Variants in PPP2R2C observed in about 807,000 individuals in gnomAD.
The protein encoded by PPP2R2C is protein phosphatase 2, regulatory subunit B, gamma.
PPP2R2C carries 10 observed loss-of-function variants against 45.3 expected under a neutral mutation model. The observed-to-expected ratio is 0.22, with a 90% CI of 0.14 to 0.37. The LOEUF (loss-of-function observed/expected upper bound fraction) is 0.37. Among genes scored for constraint, PPP2R2C ranks in the 10% least tolerant of loss-of-function variants. PPP2R2C has a pLI of 1.00. For missense variants in PPP2R2C, 308 were observed against 619.7 expected, an observed-to-expected ratio of 0.50 and a Z score of 5.34; for synonymous variants, 257 against 245.4, an observed-to-expected ratio of 1.05 and a Z score of -0.44.
At chr4:6,509,097 T>C (rs959881211) in intron 2 of PPP2R2C, among the ~76,000 whole-genome samples, 3 of 152,224 alleles carry the variant, frequency 2.0e-5, no homozygotes, top group Admixed American at 1.3e-4. Context: ...TTGCCACTGC[T>C]AACAGTATTT....
At chr4:6,386,121 AAAC>A (rs929353150) in intron 1 of PPP2R2C, among the ~76,000 whole-genome samples, 48 of 152,198 alleles carry the variant, frequency 3.2e-4, no homozygotes, top group African/African-American at 9.4e-4. Context: ...ACCCTTGAAA[AAAC>A]AACAACAAAA....
At chr4:6,551,934 T>C (rs73796255) in intron 1 of PPP2R2C, among the ~76,000 whole-genome samples, 2,771 of 152,302 alleles carry the variant, frequency 0.018, 87 homozygotes, top group African/African-American at 0.063. Flanking sequence ...TGGCACATCA[T>C]GGGATCATTT....
chr4:6,358,671 A>T (rs1383857977), intron 5 of PPP2R2C, among the ~76,000 whole-genome samples: 1 of 152,264 alleles, frequency 6.6e-6, no homozygotes, highest in Admixed American at 6.5e-5. Context: ...CAACACCATC[A>T]AAAAGTGGGC....
intron 3 of PPP2R2C, among the ~76,000 whole-genome samples, chr4:6,376,816 T>G (rs1577124443): frequency 6.6e-6 from 1 of 152,212 alleles, no homozygotes; most frequent in African/African-American, 2.4e-5. Context: ...GAGGCTCCTG[T>G]CCCCCAGGGC....
chr4:6,538,146 C>CA (rs981478977), intron 1 of PPP2R2C, among the ~76,000 whole-genome samples: 1 of 151,160 alleles, frequency 6.6e-6, no homozygotes, highest in Non-Finnish European at 1.5e-5. Flanking sequence ...AAAAACAATC[C>CA]AAAAAAAAAG....
intron 1 of PPP2R2C, among the ~76,000 whole-genome samples, chr4:6,441,380 G>A (rs577386177): frequency 6.6e-6 from 1 of 151,966 alleles, no homozygotes; most frequent in Non-Finnish European, 1.5e-5. Flanking sequence ...TCCAGCTGCA[G>A]GGGAGGAGCC....
chr4:6,510,142 G>T (rs1170521192), intron 2 of PPP2R2C, among the ~76,000 whole-genome samples: 4 of 152,030 alleles, frequency 2.6e-5, no homozygotes, highest in Non-Finnish European at 5.9e-5. Flanking sequence ...ACCTACACAG[G>T]ATCATGCCAC....
At position 6,504,325 on chromosome 4, in the gene PPP2R2C, T is replaced by C. The variant is rs374190419; in HGVS notation, c.49+30946A>G. Among the ~76,000 whole-genome samples the C allele has an allele frequency of 2.6e-4, 40 of 152,264 alleles. 1 individual carries two copies. The highest frequency in any genetic ancestry group is 9.1e-4 in the African/African-American group (38 of 41,546). ...TTTTACAGTCTGAGTACAGCCAACTTAACTGCCTATAACAAAAAAACAATA... is the reference window on the plus strand; with the variant it reads ...TTTTACAGTCTGAGTACAGCCAACTCAACTGCCTATAACAAAAAAACAATA... On this transcript the variant is annotated intron_variant, in intron 2 of 9. Transcript: ENST00000506140.
chr4:6,413,584 A>G (rs976193704), intron 1 of PPP2R2C, among the ~76,000 whole-genome samples: 1 of 152,216 alleles, frequency 6.6e-6, no homozygotes, highest in African/African-American at 2.4e-5. Context: ...GTCCTGGTGC[A>G]GTTATCAGAG....
At chr4:6,506,156 T>C (rs1433345045) in intron 2 of PPP2R2C, among the ~76,000 whole-genome samples, 2 of 152,060 alleles carry the variant, frequency 1.3e-5, no homozygotes, top group African/African-American at 4.8e-5. Flanking sequence ...CAGAAATAAT[T>C]GGCTCTTCAG....
chr4:6,365,386 T>A (rs1208950693), intron 5 of PPP2R2C, among the ~76,000 whole-genome samples: 1 of 152,242 alleles, frequency 6.6e-6, no homozygotes, highest in Admixed American at 6.5e-5. Context: ...AGAGGTGGCC[T>A]GTAAGGTACC....
intron 2 of PPP2R2C, among the ~76,000 whole-genome samples, chr4:6,512,179 ATGGTGGTGG>A (rs797013360): frequency 4.5e-5 from 1 of 22,450 alleles, no homozygotes; most frequent in Non-Finnish European, 7.8e-5. Flanking sequence ...GATGGTGCTG[ATGGTGGTGG>A]TGGTGGTGGT....
At chr4:6,409,490 C>T (rs553185122) in intron 1 of PPP2R2C, among the ~76,000 whole-genome samples, 1 of 152,148 alleles carries the variant, frequency 6.6e-6, no homozygotes, top group Non-Finnish European at 1.5e-5. Flanking sequence ...ACAGCTCAGC[C>T]CACCTTCTGG....
chr4:6,562,477 G>T lies in PPP2R2C; in HGVS notation c.-59+1083C>A, dbSNP rs1250299073. Among the ~76,000 whole-genome samples the T allele has an allele frequency of 2.0e-5, 3 of 151,844 alleles. No homozygotes were observed. In the East Asian group the frequency reaches 5.8e-4, roughly 29 times the overall value. ...GAGGATTCAACGGAGTCGGGGGGGG[G>T]GGTTGGATATTTGAAAGCTCTTGGA... On this transcript the variant is annotated intron_variant, in intron 1 of 9. Coordinates refer to the PPP2R2C transcript ENST00000506140.
chr4:6,363,478 C>T (rs1373503435), intron 5 of PPP2R2C, among the ~76,000 whole-genome samples: 1 of 151,900 alleles, frequency 6.6e-6, no homozygotes, highest in African/African-American at 2.4e-5. Flanking sequence ...ACTCAGGAGG[C>T]TGAGGCAGGA....
chr4:6,525,267 T>C (rs1188984696), intron 2 of PPP2R2C, among the ~76,000 whole-genome samples: 4 of 151,832 alleles, frequency 2.6e-5, no homozygotes, highest in African/African-American at 9.7e-5. Flanking sequence ...TAGCCGGGCA[T>C]GGTGGCATGT....
intron 1 of PPP2R2C, among the ~76,000 whole-genome samples, chr4:6,427,119 C>T (rs1038718255): frequency 6.6e-6 from 1 of 152,224 alleles, no homozygotes. Flanking sequence ...GTGTGACACT[C>T]GAGGTCCTCC....
chr4:6,563,360 C>T lies in PPP2R2C; in HGVS notation c.-59+200G>A, dbSNP rs1725646440. On this transcript the variant is annotated intron_variant, in intron 1 of 9. Transcript: ENST00000506140. This position sits in a 1 kb window ranked among gnomAD's most constrained non-coding sequence, Gnocchi z 5.8. ...AGCAGAGCCAGCCCTGCCCCAGGAC[C>T]GCCCCGGGGTCGGTGCCCGGGCTCT... Among the ~76,000 whole-genome samples, 1 of 152,226 alleles carries T rather than the reference C, an allele frequency of 6.6e-6. No homozygotes were observed. Among genetic ancestry groups the T allele is most frequent in the African/African-American group, 2.4e-5 (1 of 41,472 alleles).
At position 6,372,630 on chromosome 4, in the gene PPP2R2C, G is replaced by A; in HGVS notation, c.518C>T (p.Thr173Ile). The A allele has an allele frequency of 6.2e-7, 1 of 1,614,224 alleles. No individual in the cohort carries two copies. Among genetic ancestry groups the A allele is most frequent in the East Asian group, 2.2e-5 (1 of 44,894 alleles). The change falls in exon 5 of 9, where the codon ACC becomes ATC. Residue 173 changes from threonine (T) to isoleucine (I), a missense_variant. Physicochemically the swap from Thr to Ile is moderately conservative, Grantham distance 89. Transcript: ENST00000382599. Reference protein sequence around the residue: ...SPRRIFANGHTYHINSISVNS... With the variant: ...SPRRIFANGHIYHINSISVNS... Reference sequence around the variant, plus strand: ...GACGGAGATGGAGTTGATGTGGTAGGTGTGGCCATTGGCAAAGATCCTCCG... The same window carrying A: ...GACGGAGATGGAGTTGATGTGGTAGATGTGGCCATTGGCAAAGATCCTCCG...
Sources: allele counts gnomAD v4.1 joint callset (sites outside exome capture counted in the v4.1 genomes callset), GRCh38; gene constraint gnomAD v4.1.1; non-coding constraint Gnocchi (gnomAD v3.1); transcripts MANE v1.5; gene names NCBI Gene and HGNC (gene_info 2026-07-23, HGNC 2026-07-21).